Variants in INTS1 observed in about 807,000 individuals in gnomAD.
INTS1 encodes integrator complex subunit 1.
In INTS1, 137 loss-of-function variants were observed where a neutral mutation model predicts 241.6. The observed-to-expected ratio is 0.57, with a 90% CI of 0.49 to 0.65. The LOEUF (loss-of-function observed/expected upper bound fraction) is 0.65. Ranked by LOEUF, INTS1 falls within the 30% of genes least tolerant of loss-of-function variation. The pLI is 0.00. For synonymous variants in INTS1, 1,692 were observed against 1,337.8 expected, an observed-to-expected ratio of 1.26 and a Z score of -5.78; for missense variants, 3,073 against 3,032.2, an observed-to-expected ratio of 1.01 and a Z score of -0.32.
At chr7:1,473,008 G>T in intron 43 of INTS1, 64 bp downstream of exon 43, 1 of 1,143,850 alleles carries the variant, frequency 8.7e-7, no homozygotes, top group Non-Finnish European at 1.2e-6. Flanking sequence ...TGTGCGCTGG[G>T]AAAACCAGGC....
In INTS1 at chr7:1,497,115, G is replaced by A. The variant is rs1172910435; in HGVS notation, c.1602+23C>T. The A allele has an allele frequency of 8.2e-6, 13 of 1,578,488 alleles. No individual in the cohort carries two copies. The highest frequency in any genetic ancestry group is 3.6e-5 in the Admixed American group (2 of 56,222). On this transcript the variant is annotated intron_variant, in intron 11 of 47. Coordinates refer to ENST00000404767, the MANE Select transcript of INTS1 (RefSeq NM_001080453.3). This position sits in a 1 kb window ranked among gnomAD's most constrained non-coding sequence, Gnocchi z 5.3. ...GTGGAACCCGCAGTGAGGGAAAGGC[G>A]CCCCAGCGGCGAGGGCTGGCACCTT...
chr7:1,481,042 T>G lies in INTS1; in HGVS notation c.3851-109A>C. 2 of 806,618 alleles carry G rather than the reference T, an allele frequency of 2.5e-6. No individual in the cohort carries two copies. Among genetic ancestry groups the G allele is most frequent in the Non-Finnish European group, 4.1e-6 (2 of 487,784 alleles). The allele number at this position is 806,618 out of a possible 1,614,324, so 50.0% of individuals were successfully genotyped here. A position where few individuals can be genotyped will look rare whatever the true frequency, so the allele number is the denominator to read the frequency against. ...AGATGCCCCCACCGTCACCAGCACT[T>G]CCCAAGGACTTCAGAAGCTGGGTGA... On this transcript the variant is annotated intron_variant, in intron 28 of 47. Coordinates refer to ENST00000404767, the MANE Select transcript of INTS1 (RefSeq NM_001080453.3). This position sits in a 1 kb window ranked among gnomAD's most constrained non-coding sequence, Gnocchi z 6.8.
At chr7:1,484,221 C>T (rs910339910) in intron 24 of INTS1, 51 bp from the exon 25 acceptor site, 13 of 1,560,976 alleles carry the variant, frequency 8.3e-6, no homozygotes, top group East Asian at 2.3e-5. Context: ...CTCTGCTCTC[C>T]GGCCAGCTGG....
chr7:1,476,997 C>T, intron 35 of INTS1, 79 bp from the exon 36 acceptor site: 1 of 1,506,728 alleles, frequency 6.6e-7, no homozygotes, highest in Non-Finnish European at 8.9e-7. Context: ...ACAGCTTCCC[C>T]AATGAGCCAC....
intron 3 of INTS1, 149 bp downstream of exon 3, chr7:1,502,752 G>A (rs1783252490): frequency 4.7e-6 from 4 of 846,444 alleles, no homozygotes; most frequent in African/African-American, 1.7e-5. Flanking sequence ...TACGTGAGAA[G>A]CACTTCCAAG....
At chr7:1,474,654 C>A (rs1021228601) in intron 40 of INTS1, 51 bp downstream of exon 40, 29 of 1,514,092 alleles carry the variant, frequency 1.9e-5, no homozygotes, top group Non-Finnish European at 2.5e-5. Context: ...GAGCCGCAGA[C>A]CCCCCTGGTT....
rs1782676999 is a variant in INTS1 at position 1,493,352 on chromosome 7, G to A, written c.2069-246C>T. Reference sequence around the variant, plus strand: ...AGGGCTGCCAAGAGAGGGTAGGGAGGTGAGGACGGGGGTGTGGCCGGCAGG... The same window carrying A: ...AGGGCTGCCAAGAGAGGGTAGGGAGATGAGGACGGGGGTGTGGCCGGCAGG... On this transcript the variant is annotated intron_variant, in intron 15 of 47. Transcript: ENST00000404767. The surrounding 1 kb of genome is among the most constrained non-coding windows in gnomAD (Gnocchi z 5.3). Among the ~76,000 whole-genome samples the A allele has an allele frequency of 6.6e-6, 1 of 152,060 alleles. No individual in the cohort carries two copies.
Position 1,472,292 on chromosome 7 carries a change from G to T in INTS1, c.6165C>A (p.Ser2055=). 1 of 1,557,822 alleles carries T rather than the reference G, an allele frequency of 6.4e-7. No homozygotes were observed. Among genetic ancestry groups the T allele is most frequent in the African/African-American group, 1.4e-5 (1 of 73,632 alleles). The change falls in exon 44 of 48, where the codon TCC becomes TCA. Residue 2055 remains serine (S), a synonymous_variant. Coordinates refer to ENST00000404767, the MANE Select transcript of INTS1 (RefSeq NM_001080453.3). ...ACTCACCCTCCACCGTTTGGCCCCG[G>T]GAAAGCCGTTTCATGTAGGGGGCCA... is the stretch of plus-strand genomic sequence containing the variant. ...AEMAPYMKRL[S]RGQTVEDLLE...
In INTS1 at chr7:1,499,020, C is replaced by A; in HGVS notation, c.1092G>T (p.Arg364=). The A allele has an allele frequency of 6.4e-7, 1 of 1,562,546 alleles. No individual in the cohort carries two copies. The highest frequency in any genetic ancestry group is 8.7e-7 in the Non-Finnish European group (1 of 1,155,006). ...LTSTCGYKEV[R]LLAVQKLEMW... ...TCTCCAGCTTCTGCACCGCCAGCAG[C>A]CGCACCTCCTTATAGCCGCAGGTGG... Residue 364 remains arginine, a synonymous_variant, in exon 8 of 48, where the codon CGG becomes CGT. Coordinates refer to ENST00000404767, the MANE Select transcript of INTS1 (RefSeq NM_001080453.3).
chr7:1,500,447 G>C, intron 3 of INTS1, 81 bp from the exon 4 acceptor site: 1 of 1,404,168 alleles, frequency 7.1e-7, no homozygotes, highest in Non-Finnish European at 9.4e-7. Flanking sequence ...AAGACCACGA[G>C]GAACCCAGAG....
rs777784092 is a variant in INTS1, at chr7:1,476,846, G to A, written c.5011C>T (p.Pro1671Ser). 3.7e-6 allele frequency: 6 copies of A among 1,612,966 alleles called. No individual in the cohort carries two copies. The highest frequency in any genetic ancestry group is 3.4e-6 in the Non-Finnish European group (4 of 1,179,852). The change falls in exon 36 of 48, where the codon CCC (proline) becomes TCC (serine). Residue 1671 changes from proline to serine, a missense_variant. Pro to Ser is a moderately conservative substitution (Grantham distance 74). Transcript: ENST00000404767. ...ACTCGGATGCACTGGTGCAGTGTGG[G>A]CCAGCTGGACTGATGCGTGAAGAGG... ...LTLFTHQSSW[P>S]TLHQCIRVLL... is the part of the protein sequence containing the mutation.
intron 3 of INTS1, among the ~76,000 whole-genome samples, chr7:1,501,996 C>T (rs1783203707): frequency 6.6e-6 from 1 of 152,138 alleles, no homozygotes; most frequent in African/African-American, 2.4e-5. Context: ...TGCCAGGCCT[C>T]CTCCCTTCCA....
rs1211899024 is a variant in INTS1 at position 1,478,791 on chromosome 7, C to A, written c.4424G>T (p.Gly1475Val). Reference sequence around the variant, plus strand: ...CATCCTGAGCTGTGCCCGCAGGGGCCCGCCCTCCACGCCAGGGCTGTCCAG... The same window carrying A: ...CATCCTGAGCTGTGCCCGCAGGGGCACGCCCTCCACGCCAGGGCTGTCCAG... ...QWLDSPGVEG[G>V]PLRAQLRMLA... Residue 1475 changes from glycine to valine, a missense_variant, in exon 32 of 48, where the codon GGG becomes GTG. Coordinates refer to ENST00000404767, the MANE Select transcript of INTS1 (RefSeq NM_001080453.3). 4 of 1,605,398 alleles carry A rather than the reference C, an allele frequency of 2.5e-6. No homozygotes were observed. In the South Asian group the frequency reaches 4.5e-5, roughly 18 times the overall value.
chr7:1,487,376 G>T lies in INTS1; in HGVS notation c.2590C>A (p.His864Asn), dbSNP rs1782322347. 1.2e-6 allele frequency: 2 copies of T among 1,610,906 alleles called. No homozygotes were observed. ...KSLNQSLRLG[H>N]LLCRSRNPDF... The stretch of plus-strand genomic sequence containing the variant: ...GGGTTTCGGCTGCGGCACAAGAGGT[G>T]CCCGAGGCGGAGGGACTGGTTGAGG... Residue 864 changes from histidine (H) to asparagine (N), a missense_variant, in exon 20 of 48, where the codon CAC becomes AAC. Physicochemically the swap from His to Asn is moderately conservative, Grantham distance 68 (BLOSUM62 1). Transcript: ENST00000404767.
chr7:1,487,620 G>T (rs889357306), intron 19 of INTS1, 140 bp downstream of exon 19: 121 of 1,278,350 alleles, frequency 9.5e-5, no homozygotes, highest in Middle Eastern at 8.0e-4. Flanking sequence ...CCAGGGACGC[G>T]GGGACGGGGC....
chr7:1,484,285 ACC>A (rs1288596869), intron 24 of INTS1, 115 bp from the exon 25 acceptor site: 1 of 1,107,158 alleles, frequency 9.0e-7, no homozygotes, highest in Non-Finnish European at 1.3e-6. Context: ...GGCCCGCGGC[ACC>A]GCAGACCCTC....
At chr7:1,499,404 C>CCCCA in intron 6 of INTS1, 44 bp from the exon 7 acceptor site, 1 of 1,539,996 alleles carries the variant, frequency 6.5e-7, no homozygotes, top group Non-Finnish European at 8.8e-7. Context: ...TCCCACCCGC[C>CCCCA]CATCCTCCCA....
In INTS1 at chr7:1,493,685, G is replaced by A. The variant is rs932264030; in HGVS notation, c.2068+69C>T. 1.3e-6 allele frequency: 2 copies of A among 1,494,338 alleles called. No homozygotes were observed. The highest frequency in any genetic ancestry group is 2.8e-5 in the African/African-American group (2 of 71,812). 92.6% of individuals were successfully genotyped at this position (1,494,338 alleles called of 1,614,324 possible). On this transcript the variant is annotated intron_variant, in intron 15 of 47. Transcript: ENST00000404767. This position sits in a 1 kb window ranked among gnomAD's most constrained non-coding sequence, Gnocchi z 5.3. ...TGGAGCGCCCCAGAGGTGCGTGCCA[G>A]AGCCGGGGTTTCTGCAGGGACGAGG... is the stretch of plus-strand genomic sequence containing the variant.
chr7:1,474,435 T>G, intron 40 of INTS1, 75 bp from the exon 41 acceptor site: 1 of 1,443,350 alleles, frequency 6.9e-7, no homozygotes, highest in Non-Finnish European at 9.2e-7. Flanking sequence ...AAGGCCCCAC[T>G]GCCTGCCCCG....
Sources: allele counts gnomAD v4.1 joint callset (sites outside exome capture counted in the v4.1 genomes callset), GRCh38; gene constraint gnomAD v4.1.1; non-coding constraint Gnocchi (gnomAD v3.1); transcripts MANE v1.5; gene names NCBI Gene and HGNC (gene_info 2026-07-23, HGNC 2026-07-21).